The following NBEAL1 variants were observed in gnomAD, a reference collection of about 807,000 sequenced individuals.
NBEAL1 encodes neurobeachin-like protein 1.
NBEAL1 carries 273 observed loss-of-function variants against 351.3 expected under a neutral mutation model. The ratio of observed to expected loss-of-function variants is 0.78; its 90% confidence interval spans 0.70 to 0.86. NBEAL1 has a LOEUF of 0.86. NBEAL1 is among the 40% of genes least tolerant of loss of function. The pLI is 0.00. For missense variants in NBEAL1, 2,961 were observed against 3,201.3 expected (o/e 0.92, Z 1.81); for synonymous variants, 1,050 against 1,086.4 (o/e 0.97, Z 0.66).
chr2:203,131,928 A>G lies in NBEAL1; in HGVS notation c.3565-45A>G, dbSNP rs919366643. ...CATTTTTAATGTTAAATGACAAACT[A>G]TTCTTAATTTTCTATATTGAGAATA... On this transcript the variant is annotated intron_variant, in intron 25 of 55. Transcript: ENST00000683969. 1.9e-5 allele frequency: 26 copies of G among 1,348,932 alleles called. No individual in the cohort carries two copies. The Admixed American group carries it at 2.1e-4, about 11-fold the overall frequency. The allele number at this position is 1,348,932 out of a possible 1,614,324, so 83.6% of individuals were successfully genotyped here. A position where few individuals can be genotyped will look rare whatever the true frequency, so the allele number is the denominator to read the frequency against.
chr2:203,178,771 G>A (rs549681988), intron 42 of NBEAL1, among the ~76,000 whole-genome samples: 1 of 152,172 alleles, frequency 6.6e-6, no homozygotes, highest in African/African-American at 2.4e-5. Context: ...GCAGTCTCCA[G>A]GGGTGGGAGT....
At chr2:203,173,215 T>C (rs1278692614) in intron 41 of NBEAL1, among the ~76,000 whole-genome samples, 1 of 152,164 alleles carries the variant, frequency 6.6e-6, no homozygotes, top group African/African-American at 2.4e-5. Context: ...TAATATAATA[T>C]TTGGGTAGAT....
intron 48 of NBEAL1, among the ~76,000 whole-genome samples, 155 bp downstream of exon 48, chr2:203,197,546 A>G (rs1166868358): frequency 6.6e-6 from 1 of 152,176 alleles, no homozygotes. Context: ...AGACAAGCAG[A>G]TTGCTTGAGC....
intron 27 of NBEAL1, among the ~76,000 whole-genome samples, chr2:203,135,165 G>A (rs1641324410): frequency 1.4e-5 from 2 of 145,822 alleles, no homozygotes. Flanking sequence ...GCAAGACCCT[G>A]TCTCAAAAAA....
Position 203,175,197 on chromosome 2 carries a change from G to A in NBEAL1, c.6374G>A (p.Gly2125Asp). The A allele has an allele frequency of 6.2e-7, 1 of 1,613,200 alleles. No homozygotes were observed. The part of the protein sequence containing the change: ...PMGTIDKFHY[G>D]THYSNSAGVM... ...GGAACTATTGATAAGTTTCACTATG[G>A]TACTCACTATTCAAATTCTGCGGGG... The change falls in exon 42 of 56, where the codon GGT (glycine) becomes GAT (aspartate). Residue 2125 changes from glycine to aspartate, a missense_variant. Transcript: ENST00000683969.
At chr2:203,166,352 T>TTA in intron 37 of NBEAL1, 55 bp downstream of exon 37, 3 of 1,476,940 alleles carry the variant, frequency 2.0e-6, no homozygotes, top group Non-Finnish European at 2.8e-6. Context: ...GTATCTAATT[T>TTA]ATCAATCATG....
At chr2:203,128,881 C>T (rs2063009300) in intron 24 of NBEAL1, among the ~76,000 whole-genome samples, 1 of 152,148 alleles carries the variant, frequency 6.6e-6, no homozygotes, top group African/African-American at 2.4e-5. Context: ...CAGGCATCAG[C>T]CACCATGCCC....
chr2:203,207,550 T>C (rs2065642148), intron 51 of NBEAL1, among the ~76,000 whole-genome samples: 1 of 152,260 alleles, frequency 6.6e-6, no homozygotes, highest in Non-Finnish European at 1.5e-5. Flanking sequence ...GGGAGACTTT[T>C]CATTTTGTTC....
In NBEAL1 at chr2:203,113,290, T is replaced by G; in HGVS notation, c.2478T>G (p.Pro826=). 7.0e-7 allele frequency: 1 copy of G among 1,433,854 alleles called. No individual in the cohort carries two copies. The highest frequency in any genetic ancestry group is 9.2e-7 in the Non-Finnish European group (1 of 1,090,812). 88.8% of individuals were successfully genotyped at this position (1,433,854 alleles called of 1,614,324 possible). A position where few individuals can be genotyped will look rare whatever the true frequency, so the allele number is the denominator to read the frequency against. The change falls in exon 17 of 56, where the codon CCT becomes CCG. Residue 826 remains proline, a synonymous_variant. Coordinates refer to ENST00000683969, the MANE Select transcript of NBEAL1 (RefSeq NM_001378026.1). ...TCATCTTTTATGAACCACTACAACC[T>G]CCTCAGGTGAAGGCATTATATTTAG... The part of the protein sequence containing the change: ...SVIIFYEPLQ[P]PQVKALYLAG...
chr2:203,180,399 G>A lies in NBEAL1; in HGVS notation c.6482G>A (p.Arg2161Gln), dbSNP rs368629458. 7 of 1,609,052 alleles carry A rather than the reference G, an allele frequency of 4.4e-6. No individual in the cohort carries two copies. The highest frequency in any genetic ancestry group is 2.2e-5 in the East Asian group (1 of 44,660). Residue 2161 changes from arginine (R) to glutamine (Q), a missense_variant, in exon 43 of 56, where the codon CGA (arginine) becomes CAA (glutamine). Coordinates refer to ENST00000683969, the MANE Select transcript of NBEAL1 (RefSeq NM_001378026.1). ...LQSGRFDCAD[R>Q]QFHSIPATWQ... The stretch of plus-strand genomic sequence containing the variant: ...ACATGCAGGTTTGACTGTGCAGATC[G>A]ACAGTTCCATTCTATTCCTGCTACC...
chr2:203,089,446 T>C (rs1236325975), intron 10 of NBEAL1, among the ~76,000 whole-genome samples: 1 of 151,900 alleles, frequency 6.6e-6, no homozygotes. Context: ...TATTTTTCTC[T>C]CAATACAAAA....
Position 203,217,645 on chromosome 2 carries a change from T to TA in NBEAL1, c.*295dup. On this transcript the variant is annotated 3_prime_UTR_variant, in exon 56 of 56. Coordinates refer to ENST00000683969, the MANE Select transcript of NBEAL1 (RefSeq NM_001378026.1). ...TCAATTTTCTTATTATTCCAAATGA[T>TA]AAAATTTAAGATTTTTCTAATAAAA... is the stretch of plus-strand genomic sequence containing the variant. The TA allele has an allele frequency of 1.0e-6, 1 of 982,362 alleles. No individual in the cohort carries two copies. Among genetic ancestry groups the TA allele is most frequent in the Non-Finnish European group, 1.2e-6 (1 of 816,232 alleles). 60.9% of individuals were successfully genotyped at this position (982,362 alleles called of 1,614,324 possible). A position where few individuals can be genotyped will look rare whatever the true frequency, so the allele number is the denominator to read the frequency against.
At chr2:203,118,716 C>G (rs2062756053) in intron 18 of NBEAL1, among the ~76,000 whole-genome samples, 1 of 151,946 alleles carries the variant, frequency 6.6e-6, no homozygotes, top group Non-Finnish European at 1.5e-5. Flanking sequence ...CTCAGCCTCC[C>G]AAGTAGCTGG....
chr2:203,032,899 G>A (rs901526667), intron 2 of NBEAL1, among the ~76,000 whole-genome samples: 4 of 151,192 alleles, frequency 2.6e-5, no homozygotes, highest in African/African-American at 9.7e-5. Context: ...TCCTGACCTC[G>A]GGTGATCCAC....
In NBEAL1 at chr2:203,199,457, T is replaced by C. The variant is rs1292558281; in HGVS notation, c.7238+10T>C. 1.4e-6 allele frequency: 2 copies of C among 1,442,856 alleles called. No individual in the cohort carries two copies. Among genetic ancestry groups the C allele is most frequent in the South Asian group, 2.3e-5 (2 of 85,724 alleles). 89.4% of individuals were successfully genotyped at this position (1,442,856 alleles called of 1,614,324 possible). Reference sequence around the variant, plus strand: ...CTGTGACAAATCCAAAGTAAGTAAATGAATATGTAAAGCAAAATAGCTATA... The same window carrying C: ...CTGTGACAAATCCAAAGTAAGTAAACGAATATGTAAAGCAAAATAGCTATA... On this transcript the variant is annotated intron_variant, in intron 49 of 55. Transcript: ENST00000683969.
chr2:203,210,748 G>C (rs546994881), intron 53 of NBEAL1, among the ~76,000 whole-genome samples: 4 of 152,192 alleles, frequency 2.6e-5, no homozygotes, highest in African/African-American at 7.2e-5. Context: ...TCTTTGGAGA[G>C]AGTGAGATTT....
At chr2:203,194,509 T>C (rs938671745) in intron 47 of NBEAL1, among the ~76,000 whole-genome samples, 1 of 152,200 alleles carries the variant, frequency 6.6e-6, no homozygotes, top group Non-Finnish European at 1.5e-5. Flanking sequence ...TTTGAAAATA[T>C]ACATTGAACA....
chr2:203,083,173 A>C (rs1273555111), intron 8 of NBEAL1, 46 bp from the exon 9 acceptor site: 2 of 1,457,350 alleles, frequency 1.4e-6, no homozygotes, highest in East Asian at 5.0e-5. Context: ...AACATACACA[A>C]CTTCATTAGG....
At chr2:203,027,509 ATGT>A (rs1185431939) in intron 2 of NBEAL1, among the ~76,000 whole-genome samples, 2 of 152,266 alleles carry the variant, frequency 1.3e-5, no homozygotes, top group Admixed American at 6.5e-5. Flanking sequence ...AAAAAAAAAA[ATGT>A]TGTTTGATGC....
Sources: allele counts gnomAD v4.1 joint callset (sites outside exome capture counted in the v4.1 genomes callset), GRCh38; gene constraint gnomAD v4.1.1; transcripts MANE v1.5; gene names NCBI Gene and HGNC (gene_info 2026-07-23, HGNC 2026-07-21).